The following CADPS2 variants were observed in gnomAD, a reference collection of about 807,000 sequenced individuals.
The protein encoded by CADPS2 is calcium dependent secretion activator 2.
A neutral mutation model predicts 172.5 loss-of-function variants in CADPS2; 93 were observed. The observed-to-expected ratio is 0.54, with a 90% confidence interval of 0.46 to 0.64. The LOEUF (loss-of-function observed/expected upper bound fraction) is 0.64. CADPS2 is among the 30% of genes least tolerant of loss of function. The pLI is 0.00. For missense variants in CADPS2, 1,420 were observed against 1,565.9 expected (o/e 0.91, Z 1.57); for synonymous variants, 546 against 555.2 (o/e 0.98, Z 0.23).
At chr7:122,654,454 G>A (rs1259422349) in intron 3 of CADPS2, among the ~76,000 whole-genome samples, 2 of 152,202 alleles carry the variant, frequency 1.3e-5, no homozygotes, top group African/African-American at 4.8e-5. Flanking sequence ...TTAGGTTGAA[G>A]CTAATGCTCA....
At chr7:122,513,400 A>G (rs1011674567) in intron 8 of CADPS2, 85 bp from the exon 9 acceptor site, 3 of 1,119,126 alleles carry the variant, frequency 2.7e-6, no homozygotes, top group Admixed American at 4.7e-5. Context: ...ATAGGTATTT[A>G]TTTTTGAGAC....
At chr7:122,561,823 C>T (rs1316834610) in intron 7 of CADPS2, among the ~76,000 whole-genome samples, 7 of 152,242 alleles carry the variant, frequency 4.6e-5, no homozygotes, top group African/African-American at 1.2e-4. Flanking sequence ...TTAAAAAAAT[C>T]TCTAAGCCTT....
At chr7:122,503,986 A>G (rs2059419777) in intron 9 of CADPS2, among the ~76,000 whole-genome samples, 1 of 152,222 alleles carries the variant, frequency 6.6e-6, no homozygotes, top group African/African-American at 2.4e-5. Context: ...CTCTCTGAAG[A>G]CAACCATATT....
intron 6 of CADPS2, among the ~76,000 whole-genome samples, chr7:122,591,239 G>C (rs1317651189): frequency 6.6e-6 from 1 of 152,024 alleles, no homozygotes; most frequent in East Asian, 1.9e-4. Context: ...ACTCACAATT[G>C]CTTCAAAGCG....
intron 5 of CADPS2, among the ~76,000 whole-genome samples, chr7:122,619,100 A>AT (rs2075289071): frequency 6.6e-6 from 1 of 152,210 alleles, no homozygotes; most frequent in Non-Finnish European, 1.5e-5. Context: ...AAAGCACAGA[A>AT]TAACAATTCA....
At chr7:122,585,183 AC>A (rs2069461855) in intron 6 of CADPS2, among the ~76,000 whole-genome samples, 3 of 152,046 alleles carry the variant, frequency 2.0e-5, no homozygotes, top group Admixed American at 1.3e-4. Context: ...ACAAAAATGT[AC>A]AATTTTAAGG....
At chr7:122,407,793 A>C (rs575629805) in intron 19 of CADPS2, 97 bp from the exon 20 acceptor site, 2 of 1,188,928 alleles carry the variant, frequency 1.7e-6, no homozygotes, top group East Asian at 5.1e-5. Context: ...AACATGTCTT[A>C]GTTTCACAAA....
At chr7:122,805,915 C>T (rs1798699030) in intron 1 of CADPS2, among the ~76,000 whole-genome samples, 1 of 152,220 alleles carries the variant, frequency 6.6e-6, no homozygotes. Flanking sequence ...ATTAGCTCTT[C>T]ATGGATGTTT....
chr7:122,813,133 T>C (rs912102784), intron 1 of CADPS2, among the ~76,000 whole-genome samples: 5 of 151,716 alleles, frequency 3.3e-5, no homozygotes, highest in African/African-American at 7.2e-5. Flanking sequence ...AAAAAGTTTT[T>C]AAAAAGTTGG....
At chr7:122,459,216 AATT>A (rs2054158899) in intron 14 of CADPS2, among the ~76,000 whole-genome samples, 2 of 151,970 alleles carry the variant, frequency 1.3e-5, no homozygotes, top group South Asian at 2.1e-4. Flanking sequence ...ATAATGAAAT[AATT>A]ATATTTCAAT....
At chr7:122,822,224 A>G (rs981204008) in intron 1 of CADPS2, among the ~76,000 whole-genome samples, 7 of 151,696 alleles carry the variant, frequency 4.6e-5, no homozygotes, top group Admixed American at 1.3e-4. Flanking sequence ...AGTCGTCCCA[A>G]TTCTTAGACC....
At chr7:122,777,849 T>C (rs2093932914) in intron 1 of CADPS2, among the ~76,000 whole-genome samples, 1 of 152,150 alleles carries the variant, frequency 6.6e-6, no homozygotes, top group Non-Finnish European at 1.5e-5. Context: ...GTCTCACGTA[T>C]GTCTTTATTA....
intron 1 of CADPS2, 67 bp from the exon 2 acceptor site, chr7:122,737,135 A>G: frequency 1.3e-6 from 1 of 795,516 alleles, no homozygotes; most frequent in Non-Finnish European, 2.2e-6. Flanking sequence ...ACTATTAAAA[A>G]TCATATTTGC....
At chr7:122,620,360 T>C (rs2075446023) in intron 5 of CADPS2, among the ~76,000 whole-genome samples, 1 of 152,198 alleles carries the variant, frequency 6.6e-6, no homozygotes, top group Non-Finnish European at 1.5e-5. Context: ...ATTATTATGT[T>C]ATAATCTTTT....
rs1039954716 is a variant in CADPS2 at position 122,814,871 on chromosome 7, T to C, written c.339+71128A>G. ...TGTCAACCATCAAATGGAATGTACA[T>C]TGTTTCATTAAATTTGCCATATTCT... On this transcript the variant is annotated intron_variant, in intron 1 of 29. Coordinates refer to ENST00000449022, the MANE Select transcript of CADPS2 (RefSeq NM_017954.11). Among the ~76,000 whole-genome samples, 7 of 152,282 alleles carry C rather than the reference T, an allele frequency of 4.6e-5. No individual in the cohort carries two copies. The East Asian group carries it at 5.8e-4, about 13-fold the overall frequency.
chr7:122,454,281 C>A (rs2152058313), intron 14 of CADPS2, among the ~76,000 whole-genome samples: 2 of 152,208 alleles, frequency 1.3e-5, no homozygotes, highest in South Asian at 2.1e-4. Context: ...TCACAACAAT[C>A]CTGTCTCCTT....
intron 9 of CADPS2, among the ~76,000 whole-genome samples, chr7:122,509,755 A>T (rs1486160879): frequency 1.3e-5 from 2 of 152,188 alleles, no homozygotes; most frequent in African/African-American, 4.8e-5. Context: ...TAAGTTCCAT[A>T]ACCCCTCTGT....
intron 25 of CADPS2, among the ~76,000 whole-genome samples, chr7:122,367,889 T>C (rs2041186949): frequency 6.6e-6 from 1 of 152,066 alleles, no homozygotes; most frequent in Non-Finnish European, 1.5e-5. Context: ...TTCTAGCTTC[T>C]TGCCTGCATT....
At chr7:122,746,286 G>A (rs1253243357) in intron 1 of CADPS2, among the ~76,000 whole-genome samples, 1 of 152,108 alleles carries the variant, frequency 6.6e-6, no homozygotes, top group Non-Finnish European at 1.5e-5. Flanking sequence ...TGCAGCTATT[G>A]AGCACTTGAA....
Sources: allele counts gnomAD v4.1 joint callset (sites outside exome capture counted in the v4.1 genomes callset), GRCh38; gene constraint gnomAD v4.1.1; transcripts MANE v1.5; gene names NCBI Gene and HGNC (gene_info 2026-07-23, HGNC 2026-07-21).